The following WDFY1 variants were observed in gnomAD, a reference collection of about 807,000 sequenced individuals.
The protein encoded by WDFY1 is WD repeat and FYVE domain containing 1.
Under a neutral mutation model 56.4 loss-of-function variants are expected in WDFY1, and 32 were observed. That is an observed-to-expected ratio of 0.57 (90% CI 0.43 to 0.76). The LOEUF is 0.76. Ranked by LOEUF, WDFY1 falls within the 30% of genes least tolerant of loss-of-function variation. The pLI, the probability that WDFY1 is intolerant of heterozygous loss-of-function variation, is 0.00. For synonymous variants in WDFY1, 192 were observed against 197.3 expected (o/e 0.97, Z 0.23); for missense variants, 480 against 545.7 (o/e 0.88, Z 1.20).
intron 1 of WDFY1, among the ~76,000 whole-genome samples, chr2:223,923,557 C>T (rs1185174101): frequency 2.0e-5 from 3 of 152,006 alleles, no homozygotes; most frequent in East Asian, 1.9e-4. Context: ...GTCAGGAGAT[C>T]GAGACCATCC....
intron 8 of WDFY1, among the ~76,000 whole-genome samples, chr2:223,891,500 C>A (rs77360080): frequency 0.013 from 1,971 of 151,682 alleles, 41 homozygotes; most frequent in African/African-American, 0.044. Flanking sequence ...AAAAAACCCA[C>A]TAAAAATAAT....
At chr2:223,895,712 C>T in intron 6 of WDFY1, 82 bp from the exon 7 acceptor site, 2 of 1,547,670 alleles carry the variant, frequency 1.3e-6, no homozygotes, top group Non-Finnish European at 1.7e-6. Context: ...ATACATTTGA[C>T]AGCTGAAGAC....
At position 223,878,195 on chromosome 2, in the gene WDFY1, C is replaced by T. The variant is rs1192500729; in HGVS notation, c.*476G>A. ...AGTCATAGGGAAAGGTCTCTGGTTT[C>T]GTAAGTTCCTAATGCCACCCCTCAA... On this transcript the variant is annotated 3_prime_UTR_variant, in exon 12 of 12. Transcript: ENST00000233055. 3 of 153,146 alleles carry T rather than the reference C, an allele frequency of 2.0e-5. No homozygotes were observed. The highest frequency in any genetic ancestry group is 4.8e-5 in the African/African-American group (2 of 41,444). 9.5% of individuals were successfully genotyped at this position (153,146 alleles called of 1,614,324 possible). A position where few individuals can be genotyped will look rare whatever the true frequency, so the allele number is the denominator to read the frequency against.
chr2:223,914,185 C>T (rs1238935518), intron 2 of WDFY1, among the ~76,000 whole-genome samples: 6 of 151,838 alleles, frequency 4.0e-5, no homozygotes, highest in Non-Finnish European at 5.9e-5. Context: ...TTAGTATAGA[C>T]AGGGTTTCAC....
chr2:223,936,045 G>T lies in WDFY1; in HGVS notation c.137+9103C>A, dbSNP rs529515955. The stretch of plus-strand genomic sequence containing the variant: ...AAAGCTTAGCAGGGAGCAGTTATGG[G>T]GTTCCCAAAGTCCTTTTTTTTTTTT... On this transcript the variant is annotated intron_variant, in intron 1 of 11. Transcript: ENST00000233055. Among the ~76,000 whole-genome samples, 8 of 148,066 alleles carry T rather than the reference G, an allele frequency of 5.4e-5. No individual in the cohort carries two copies. In the South Asian group the frequency reaches 1.7e-3, roughly 32 times the overall value.
chr2:223,886,840 G>T (rs1163235716), intron 8 of WDFY1, among the ~76,000 whole-genome samples: 1 of 151,718 alleles, frequency 6.6e-6, no homozygotes, highest in Non-Finnish European at 1.5e-5. Context: ...TATATTTGGT[G>T]GTTTGAACGA....
chr2:223,945,312 T>C lies in WDFY1; in HGVS notation c.-28A>G. On this transcript the variant is annotated 5_prime_UTR_variant, in exon 1 of 12. Coordinates refer to ENST00000233055, the MANE Select transcript of WDFY1 (RefSeq NM_020830.5). ...TCGCGCGGCGACTGCTGCGGCCTCC[T>C]CGGCAGGCAGCCCATCAGCTGACGC... 6.4e-7 allele frequency: 1 copy of C among 1,551,286 alleles called. No homozygotes were observed. The highest frequency in any genetic ancestry group is 8.6e-7 in the Non-Finnish European group (1 of 1,157,438).
intron 11 of WDFY1, among the ~76,000 whole-genome samples, chr2:223,878,955 G>A (rs1329061381): frequency 2.6e-5 from 4 of 152,216 alleles, no homozygotes; most frequent in East Asian, 1.9e-4. Flanking sequence ...AGACCGAGGC[G>A]GGTGTAGCAC....
Position 223,927,336 on chromosome 2 carries a change from T to C in WDFY1, c.138-9326A>G, listed in dbSNP as rs571573043. Among the ~76,000 whole-genome samples, 12 of 152,354 alleles carry C rather than the reference T, an allele frequency of 7.9e-5. No individual in the cohort carries two copies. In the East Asian group the frequency reaches 1.7e-3, roughly 22 times the overall value. ...ATTGAAAATCTATTGTTTAATGTAA[T>C]TGCTTTTGCCAATTATCTTCACTAG... is the stretch of plus-strand genomic sequence containing the variant. On this transcript the variant is annotated intron_variant, in intron 1 of 11. Coordinates refer to ENST00000233055, the MANE Select transcript of WDFY1 (RefSeq NM_020830.5).
chr2:223,888,449 AC>A (rs1166050900), intron 8 of WDFY1, among the ~76,000 whole-genome samples: 1 of 152,168 alleles, frequency 6.6e-6, no homozygotes, highest in Non-Finnish European at 1.5e-5. Flanking sequence ...TTCCTTTAAC[AC>A]AAAAGGCCTC....
At chr2:223,880,606 CAAAAAA>C (rs10586635) in intron 10 of WDFY1, among the ~76,000 whole-genome samples, 1 of 125,416 alleles carries the variant, frequency 8.0e-6, no homozygotes. Context: ...GACTCAGTCT[CAAAAAA>C]AAAAAAAAAA....
chr2:223,920,224 A>T (rs1693866287), intron 1 of WDFY1, among the ~76,000 whole-genome samples: 1 of 152,248 alleles, frequency 6.6e-6, no homozygotes, highest in African/African-American at 2.4e-5. Flanking sequence ...AAGCATCAGC[A>T]GCTGGACATC....
At chr2:223,938,770 A>C (rs1014464155) in intron 1 of WDFY1, among the ~76,000 whole-genome samples, 1 of 152,078 alleles carries the variant, frequency 6.6e-6, no homozygotes, top group African/African-American at 2.4e-5. Flanking sequence ...GTTTGATTAC[A>C]GTGAACTAGG....
chr2:223,895,655 GA>G, intron 6 of WDFY1, 25 bp from the exon 7 acceptor site: 1 of 1,613,160 alleles, frequency 6.2e-7, no homozygotes, highest in Non-Finnish European at 8.5e-7. Flanking sequence ...GAGAGAGAGA[GA>G]GAGGGAGGCA....
chr2:223,890,548 A>AT (rs1414658740), intron 8 of WDFY1, among the ~76,000 whole-genome samples: 2 of 152,236 alleles, frequency 1.3e-5, no homozygotes, highest in African/African-American at 4.8e-5. Context: ...AGAATATAGC[A>AT]TTACACTGTA....
At chr2:223,933,163 A>T (rs796202977) in intron 1 of WDFY1, among the ~76,000 whole-genome samples, 5 of 152,276 alleles carry the variant, frequency 3.3e-5, no homozygotes, top group African/African-American at 1.2e-4. Flanking sequence ...TTGGCTGAGA[A>T]AAACAGAAAT....
intron 1 of WDFY1, among the ~76,000 whole-genome samples, chr2:223,919,451 T>A (rs1194202963): frequency 6.6e-6 from 1 of 152,250 alleles, no homozygotes; most frequent in Non-Finnish European, 1.5e-5. Flanking sequence ...CCTCAAGTGA[T>A]CCGCCTGCCT....
In WDFY1 at chr2:223,917,993, A is replaced by G; in HGVS notation, c.155T>C (p.Leu52Pro). 1 of 1,614,160 alleles carries G rather than the reference A, an allele frequency of 6.2e-7. No individual in the cohort carries two copies. The highest frequency in any genetic ancestry group is 1.1e-5 in the South Asian group (1 of 91,080). Residue 52 changes from leucine to proline, a missense_variant, in exon 2 of 12, where the codon CTG becomes CCG. Coordinates refer to ENST00000233055, the MANE Select transcript of WDFY1 (RefSeq NM_020830.5). ...CCAGTATTGACCACTGTCTCTTTTC[A>G]GCCATACCCGGATGGTTCTGTGGAG... ...ASEDRTIRVWLKRDSGQYWPS... is the reference protein window; with the variant it reads ...ASEDRTIRVWPKRDSGQYWPS...
intron 6 of WDFY1, among the ~76,000 whole-genome samples, chr2:223,896,829 T>C (rs777448555): frequency 6.6e-6 from 1 of 152,218 alleles, no homozygotes; most frequent in Non-Finnish European, 1.5e-5. Flanking sequence ...GTGTAATCTA[T>C]GTGCCATCCA....
Sources: allele counts gnomAD v4.1 joint callset (sites outside exome capture counted in the v4.1 genomes callset), GRCh38; gene constraint gnomAD v4.1.1; transcripts MANE v1.5; gene names NCBI Gene and HGNC (gene_info 2026-07-23, HGNC 2026-07-21).